Variants in ARHGAP44 observed in about 807,000 individuals in gnomAD.
ARHGAP44 encodes Rho GTPase activating protein 44, also known as rho GTPase-activating protein 44.
ARHGAP44 carries 43 observed loss-of-function variants against 106.8 expected under a neutral mutation model. That is an observed-to-expected ratio of 0.40 (90% CI 0.32 to 0.52). The LOEUF (loss-of-function observed/expected upper bound fraction) is 0.52, where lower values mean the gene tolerates loss of function less well. Among genes scored for constraint, ARHGAP44 ranks in the 20% least tolerant of loss-of-function variants. ARHGAP44 has a pLI of 0.48. For synonymous variants in ARHGAP44, 439 were observed against 410.3 expected (o/e 1.07, Z -0.85); for missense variants, 866 against 1,050.5 (o/e 0.82, Z 2.43).
At chr17:12,954,597 G>T (rs939840456) in intron 13 of ARHGAP44, among the ~76,000 whole-genome samples, 2 of 152,114 alleles carry the variant, frequency 1.3e-5, no homozygotes, top group African/African-American at 4.8e-5. Flanking sequence ...CTTTCTACCG[G>T]GCTCACGAAG....
chr17:12,938,203 T>G (rs2038604257), intron 7 of ARHGAP44, among the ~76,000 whole-genome samples: 2 of 152,164 alleles, frequency 1.3e-5, no homozygotes, highest in South Asian at 4.1e-4. Flanking sequence ...CAAGAAGACA[T>G]TATAAAATTG....
intron 7 of ARHGAP44, among the ~76,000 whole-genome samples, chr17:12,932,059 G>A (rs895796931): frequency 6.6e-6 from 1 of 151,906 alleles, no homozygotes; most frequent in Non-Finnish European, 1.5e-5. Context: ...TTAGGTCAGA[G>A]TCTATGCATA....
intron 1 of ARHGAP44, among the ~76,000 whole-genome samples, chr17:12,797,890 C>G (rs1244921310): frequency 6.6e-6 from 1 of 151,988 alleles, no homozygotes; most frequent in Non-Finnish European, 1.5e-5. Flanking sequence ...TAGTTTTTGT[C>G]CATTTTGCTC....
At chr17:12,892,190 A>G (rs559707597) in intron 1 of ARHGAP44, among the ~76,000 whole-genome samples, 10 of 152,196 alleles carry the variant, frequency 6.6e-5, no homozygotes, top group South Asian at 6.2e-4. Flanking sequence ...TCTCCCCTTC[A>G]TTTCTGAAGA....
Position 12,919,780 on chromosome 17 carries a change from A to T in ARHGAP44, c.413A>T (p.Gln138Leu), listed in dbSNP as rs1407517926. 3 of 1,613,230 alleles carry T rather than the reference A, an allele frequency of 1.9e-6. No homozygotes were observed. The highest frequency in any genetic ancestry group is 2.5e-6 in the Non-Finnish European group (3 of 1,179,570). The change falls in exon 6 of 21, where the codon CAG becomes CTG. Residue 138 changes from glutamine (Q) to leucine (L), a missense_variant. By Grantham distance (113) the Gln-to-Leu change is moderately radical. This residue lies in a region of ARHGAP44 where 448 missense variants were observed against 646.9 expected (regional missense o/e 0.69). Coordinates refer to ENST00000379672, the MANE Select transcript of ARHGAP44 (RefSeq NM_014859.6). ...AEVEIPNIQK[Q>L]RKHLAKLVLD... Reference sequence around the variant, plus strand: ...GTGGAAATCCCAAATATTCAAAAGCAGAGGAAACACTTAGCCAAGTTGGTG... The same window carrying T: ...GTGGAAATCCCAAATATTCAAAAGCTGAGGAAACACTTAGCCAAGTTGGTG...
intron 3 of ARHGAP44, 40 bp downstream of exon 3, chr17:12,896,551 T>C (rs1490877846): frequency 1.3e-6 from 2 of 1,533,366 alleles, no homozygotes; most frequent in Non-Finnish European, 1.8e-6. Flanking sequence ...AAATCTTGCC[T>C]ACTGAGGACA....
At chr17:12,795,432 C>G (rs2033889664) in intron 1 of ARHGAP44, among the ~76,000 whole-genome samples, 1 of 152,154 alleles carries the variant, frequency 6.6e-6, no homozygotes, top group African/African-American at 2.4e-5. Context: ...TCTGTTATCC[C>G]AGACCTGCAA....
chr17:12,976,272 A>G (rs756284681), intron 18 of ARHGAP44, among the ~76,000 whole-genome samples: 17 of 151,910 alleles, frequency 1.1e-4, no homozygotes, highest in Non-Finnish European at 2.2e-4. Context: ...AACCCCCTAC[A>G]TGAGAGGCTT....
intron 4 of ARHGAP44, among the ~76,000 whole-genome samples, chr17:12,912,172 T>G (rs912437593): frequency 6.6e-6 from 1 of 152,188 alleles, no homozygotes; most frequent in Admixed American, 6.5e-5. Flanking sequence ...GAACAATCAC[T>G]TGTGTTTTCA....
At chr17:12,800,436 G>T (rs1372221246) in intron 1 of ARHGAP44, among the ~76,000 whole-genome samples, 1 of 152,206 alleles carries the variant, frequency 6.6e-6, no homozygotes. Flanking sequence ...CTGGCCAGTG[G>T]AGGGTTGGAG....
intron 15 of ARHGAP44, 98 bp downstream of exon 15, chr17:12,956,844 T>G: frequency 5.2e-6 from 3 of 579,288 alleles, no homozygotes; most frequent in South Asian, 2.8e-5. Context: ...GCCCACAGGC[T>G]TTTTTTTTTG....
At chr17:12,841,629 C>CAAAAAA (rs2035403696) in intron 1 of ARHGAP44, among the ~76,000 whole-genome samples, 1 of 107,826 alleles carries the variant, frequency 9.3e-6, no homozygotes, top group African/African-American at 3.7e-5. Flanking sequence ...CACACACACA[C>CAAAAAA]ACACACACAC....
chr17:12,827,206 ATAAAAT>A (rs1228163262), intron 1 of ARHGAP44, among the ~76,000 whole-genome samples: 3 of 152,120 alleles, frequency 2.0e-5, no homozygotes, highest in Non-Finnish European at 4.4e-5. Flanking sequence ...CTGTGTTCTT[ATAAAAT>A]ATGTATTGTT....
intron 13 of ARHGAP44, among the ~76,000 whole-genome samples, chr17:12,953,787 C>G (rs1210885915): frequency 1.3e-5 from 2 of 152,154 alleles, no homozygotes; most frequent in African/African-American, 4.8e-5. Flanking sequence ...TATGAAGTAC[C>G]TGGAGTGGTC....
rs1193156338 is a variant in ARHGAP44, at chr17:12,816,710, A to C, written c.53+26819A>C. ...AAGAGTCAGTTTACCAGAAAGACAA[A>C]ATAATTCTACGTGTGTATGCATCTG... On this transcript the variant is annotated intron_variant, in intron 1 of 20. Coordinates refer to ENST00000379672, the MANE Select transcript of ARHGAP44 (RefSeq NM_014859.6). Among the ~76,000 whole-genome samples, 4 of 152,330 alleles carry C rather than the reference A, an allele frequency of 2.6e-5. 1 individual carries two copies. Among genetic ancestry groups the C allele is most frequent in the African/African-American group, 9.6e-5 (4 of 41,592 alleles).
At position 12,894,921 on chromosome 17, in the gene ARHGAP44, T is replaced by G. The variant is rs1177299730; in HGVS notation, c.54-19T>G. ...GTTGTTAGTTTTGTTACTGATATGT[T>G]TCTCAATGTTCTTTTTAGGGCTGAA... On this transcript the variant is annotated intron_variant, in intron 1 of 20. Transcript: ENST00000379672. 3.8e-6 allele frequency: 6 copies of G among 1,574,892 alleles called. No individual in the cohort carries two copies. In the Admixed American group the frequency reaches 7.4e-5, roughly 19 times the overall value.
intron 1 of ARHGAP44, among the ~76,000 whole-genome samples, chr17:12,869,314 A>G (rs2036335775): frequency 6.6e-6 from 1 of 152,214 alleles, no homozygotes; most frequent in South Asian, 2.1e-4. Context: ...CCTCTTACAA[A>G]TGTAGTCATT....
intron 7 of ARHGAP44, among the ~76,000 whole-genome samples, chr17:12,936,022 G>A (rs894948221): frequency 2.0e-5 from 3 of 152,056 alleles, no homozygotes; most frequent in East Asian, 1.9e-4. Flanking sequence ...TTAAACAAAC[G>A]TTCTTAAATC....
chr17:12,989,570 T>C (rs892154083), intron 20 of ARHGAP44, among the ~76,000 whole-genome samples: 1 of 152,152 alleles, frequency 6.6e-6, no homozygotes, highest in African/African-American at 2.4e-5. Flanking sequence ...TGCAGCTGTT[T>C]CTTAGAGTGA....
Sources: gnomAD v4.1 joint callset for allele counts (sites outside exome capture counted in the v4.1 genomes callset) on GRCh38, gnomAD v4.1.1 for gene constraint, gnomAD v4.1.1 regional missense constraint, MANE v1.5 for transcripts, NCBI Gene and HGNC (gene_info 2026-07-23, HGNC 2026-07-21) for gene names.